The following FAM53B variants were observed in gnomAD, a reference collection of about 807,000 sequenced individuals.
FAM53B encodes protein FAM53B.
FAM53B carries 12 observed loss-of-function variants against 32.7 expected under a neutral mutation model. That is an observed-to-expected ratio of 0.37 (90% CI 0.24 to 0.59). The LOEUF is 0.59. FAM53B is among the 20% of genes least tolerant of loss of function. FAM53B has a pLI of 0.72. For synonymous variants in FAM53B, 234 were observed against 228.7 expected (o/e 1.02, Z -0.21); for missense variants, 477 against 577.7 (o/e 0.83, Z 1.79).
chr10:124,673,933 T>C (rs1949721970), intron 4 of FAM53B, among the ~76,000 whole-genome samples: 1 of 152,140 alleles, frequency 6.6e-6, no homozygotes, highest in Non-Finnish European at 1.5e-5. Flanking sequence ...AACCCAAGGC[T>C]CAGAGAAGCA....
intron 2 of FAM53B, among the ~76,000 whole-genome samples, chr10:124,700,855 C>T (rs933753776): frequency 2.6e-5 from 4 of 152,208 alleles, no homozygotes; most frequent in Admixed American, 6.5e-5. Flanking sequence ...GGGAGGCTCG[C>T]GCTCATGCCC....
chr10:124,645,201 G>A (rs907977011), intron 4 of FAM53B, among the ~76,000 whole-genome samples: 1 of 152,242 alleles, frequency 6.6e-6, no homozygotes, highest in Admixed American at 6.5e-5. Flanking sequence ...GTGCAGAGTG[G>A]GCCCTGCCAT....
chr10:124,686,787 C>T (rs536247989), intron 3 of FAM53B, among the ~76,000 whole-genome samples: 8 of 152,316 alleles, frequency 5.3e-5, no homozygotes, highest in Non-Finnish European at 1.0e-4. Context: ...CAAGAGGATG[C>T]GGTGTTCTCT....
chr10:124,652,318 G>A (rs1343411756), intron 4 of FAM53B, among the ~76,000 whole-genome samples: 1 of 152,210 alleles, frequency 6.6e-6, no homozygotes, highest in Non-Finnish European at 1.5e-5. Flanking sequence ...GTGCCCAGGG[G>A]TGAACTGAGC....
intron 3 of FAM53B, among the ~76,000 whole-genome samples, chr10:124,694,880 C>T (rs961309411): frequency 6.6e-6 from 1 of 152,206 alleles, no homozygotes; most frequent in African/African-American, 2.4e-5. Flanking sequence ...AGAGCCATGG[C>T]AGGTGGTTGA....
chr10:124,672,246 C>G (rs1241647921), intron 4 of FAM53B, among the ~76,000 whole-genome samples: 1 of 152,268 alleles, frequency 6.6e-6, no homozygotes, highest in East Asian at 1.9e-4. Flanking sequence ...AGCTCCGTCT[C>G]CATCCCACAC....
chr10:124,708,661 C>T (rs7896170), intron 1 of FAM53B, among the ~76,000 whole-genome samples: 45 of 152,368 alleles, frequency 3.0e-4, no homozygotes, highest in Non-Finnish European at 5.0e-4. Context: ...CTCCTGGACT[C>T]GCCTTTCAAA....
chr10:124,657,683 AGTGT>A (rs1482383103), intron 4 of FAM53B, among the ~76,000 whole-genome samples: 1 of 152,228 alleles, frequency 6.6e-6, no homozygotes, highest in African/African-American at 2.4e-5. Flanking sequence ...CTGATATACA[AGTGT>A]TTGTGCCCTC....
intron 4 of FAM53B, among the ~76,000 whole-genome samples, chr10:124,676,675 G>A (rs1235473875): frequency 6.6e-6 from 1 of 152,182 alleles, no homozygotes; most frequent in African/African-American, 2.4e-5. Flanking sequence ...TCACTGATGA[G>A]CATACGCACA....
chr10:124,657,063 T>C (rs989466112), intron 4 of FAM53B, among the ~76,000 whole-genome samples: 62 of 78,854 alleles, frequency 7.9e-4, no homozygotes, highest in Middle Eastern at 8.3e-3. Flanking sequence ...TATATATGTA[T>C]ATATATATGT....
At chr10:124,706,011 C>T (rs1489043462) in intron 2 of FAM53B, among the ~76,000 whole-genome samples, 1 of 152,220 alleles carries the variant, frequency 6.6e-6, no homozygotes, top group Non-Finnish European at 1.5e-5. Context: ...GCAGCCTGCA[C>T]TCACATCTGA....
chr10:124,694,665 T>G (rs1564880028), intron 3 of FAM53B, among the ~76,000 whole-genome samples: 1 of 152,214 alleles, frequency 6.6e-6, no homozygotes, highest in Non-Finnish European at 1.5e-5. Flanking sequence ...AAGGTGAGGT[T>G]GTCCCAGGAA....
intron 1 of FAM53B, among the ~76,000 whole-genome samples, chr10:124,732,156 A>G (rs1950147552): frequency 6.6e-6 from 1 of 152,196 alleles, no homozygotes; most frequent in Non-Finnish European, 1.5e-5. Flanking sequence ...TAAATCAGAG[A>G]TGAGCAGCCA....
chr10:124,681,963 C>T lies in FAM53B; in HGVS notation c.550G>A (p.Ala184Thr), dbSNP rs1949775820. The T allele has an allele frequency of 6.2e-7, 1 of 1,613,926 alleles. No individual in the cohort carries two copies. Among genetic ancestry groups the T allele is most frequent in the Non-Finnish European group, 8.5e-7 (1 of 1,180,032 alleles). Residue 184 changes from alanine to threonine, a missense_variant, in exon 4 of 5, where the codon GCA (alanine) becomes ACA (threonine). Transcript: ENST00000337318. The stretch of plus-strand genomic sequence containing the variant: ...CCTCCAAATCGGTGGTGGAGTCCTG[C>T]CTGGTCGCAGGGTGAGGAGAGCACG... Reference protein sequence around the residue: ...ANVLSSPCDQAGLHHRFGGQP... With the variant: ...ANVLSSPCDQTGLHHRFGGQP...
chr10:124,648,087 A>T (rs1949530999), intron 4 of FAM53B, among the ~76,000 whole-genome samples: 1 of 152,082 alleles, frequency 6.6e-6, no homozygotes, highest in South Asian at 2.1e-4. Flanking sequence ...GGATGCTGAA[A>T]ATCTGCTTGG....
At chr10:124,711,461 G>C (rs959787416) in intron 1 of FAM53B, among the ~76,000 whole-genome samples, 42 of 151,990 alleles carry the variant, frequency 2.8e-4, no homozygotes, top group African/African-American at 9.7e-4. Flanking sequence ...TTACCATTAG[G>C]GGACAGCGAG....
intron 4 of FAM53B, among the ~76,000 whole-genome samples, chr10:124,640,643 C>G (rs1256619853): frequency 6.6e-6 from 1 of 152,156 alleles, no homozygotes; most frequent in Non-Finnish European, 1.5e-5. Flanking sequence ...CTAATGTTTA[C>G]TAAGAATTTA....
intron 1 of FAM53B, among the ~76,000 whole-genome samples, chr10:124,726,061 C>A (rs920819765): frequency 6.6e-6 from 1 of 152,112 alleles, no homozygotes; most frequent in Non-Finnish European, 1.5e-5. Flanking sequence ...GTCCCCGACC[C>A]CAGACAAACT....
intron 1 of FAM53B, among the ~76,000 whole-genome samples, chr10:124,728,002 C>G (rs1315685608): frequency 6.6e-6 from 1 of 152,224 alleles, no homozygotes; most frequent in Non-Finnish European, 1.5e-5. Context: ...CAGACCCAGA[C>G]CACCAGAGTG....
Sources: gnomAD v4.1 joint callset for allele counts (sites outside exome capture counted in the v4.1 genomes callset) on GRCh38, gnomAD v4.1.1 for gene constraint, MANE v1.5 for transcripts, NCBI Gene and HGNC (gene_info 2026-07-23, HGNC 2026-07-21) for gene names.